The following ATL2 variants were observed in gnomAD, a reference collection of about 807,000 sequenced individuals.
ATL2 encodes the protein atlastin-2.
A neutral mutation model predicts 73.9 loss-of-function variants in ATL2; 31 were observed. The ratio of observed to expected loss-of-function variants is 0.42; its 90% CI spans 0.32 to 0.57. The LOEUF is 0.57. ATL2 is among the 20% of genes least tolerant of loss of function. ATL2 has a pLI of 0.14. For synonymous variants in ATL2, 291 were observed against 237.5 expected (o/e 1.23, Z -2.07); for missense variants, 738 against 702.6 (o/e 1.05, Z -0.57).
chr2:38,340,175 G>T (rs1404670558), intron 2 of ATL2, among the ~76,000 whole-genome samples: 1 of 95,486 alleles, frequency 1.0e-5, no homozygotes, highest in African/African-American at 6.2e-5. Context: ...TTTTGGTGGG[G>T]GGGGGGGGGG....
At chr2:38,331,002 T>C (rs979344530) in intron 2 of ATL2, among the ~76,000 whole-genome samples, 6 of 152,182 alleles carry the variant, frequency 3.9e-5, no homozygotes, top group Admixed American at 3.3e-4. Flanking sequence ...AGCGTGATAC[T>C]GGTATAAGAA....
rs377755275 is a variant in ATL2, at chr2:38,301,250, A to G, written c.1072-922T>C. Among the ~76,000 whole-genome samples, 6 of 152,302 alleles carry G rather than the reference A, an allele frequency of 3.9e-5. No individual in the cohort carries two copies. The South Asian group carries it at 1.2e-3, about 32-fold the overall frequency. On this transcript the variant is annotated intron_variant, in intron 9 of 12. Transcript: ENST00000378954. ...CTCCCAAAGTGCTGGGATTACAGGC[A>G]TAAGCCACCGTGCCTGGCTCATCTC...
chr2:38,328,631 A>G (rs1390605863), intron 2 of ATL2, among the ~76,000 whole-genome samples: 1 of 152,178 alleles, frequency 6.6e-6, no homozygotes, highest in Non-Finnish European at 1.5e-5. Context: ...ATTGAACTAA[A>G]GGAAAATGAA....
At chr2:38,378,231 A>G (rs1260175758), upstream of ATL2, among the ~76,000 whole-genome samples, 1 of 152,198 alleles carries the variant, frequency 6.6e-6, no homozygotes, top group African/African-American at 2.4e-5. Flanking sequence ...AGGTCTTTTC[A>G]TAAGTCTAAA....
intron 1 of ATL2, among the ~76,000 whole-genome samples, chr2:38,365,651 C>T (rs1671279204): frequency 1.3e-5 from 2 of 148,592 alleles, no homozygotes; most frequent in African/African-American, 2.6e-5. Context: ...ATTAGCCAGG[C>T]GTGAGGGCGG....
chr2:38,372,751 T>G (rs1671758970), intron 1 of ATL2, among the ~76,000 whole-genome samples: 1 of 152,206 alleles, frequency 6.6e-6, no homozygotes, highest in African/African-American at 2.4e-5. Context: ...AGTCTCATCT[T>G]AAATAACCAC....
chr2:38,296,939 C>T (rs1423449508), intron 12 of ATL2, among the ~76,000 whole-genome samples: 1 of 152,056 alleles, frequency 6.6e-6, no homozygotes, highest in Non-Finnish European at 1.5e-5. Context: ...AATTATATTG[C>T]AGAAAATGAT....
At chr2:38,325,699 TACACACACACACAC>T (rs1221635411) in intron 2 of ATL2, among the ~76,000 whole-genome samples, 255 of 11,220 alleles carry the variant, frequency 0.023, 1 homozygote, top group African/African-American at 0.05. Context: ...CACACACCAG[TACACACACACACAC>T]ACACACACAC....
intron 1 of ATL2, among the ~76,000 whole-genome samples, chr2:38,357,542 T>C (rs1670742488): frequency 6.7e-6 from 1 of 148,660 alleles, no homozygotes; most frequent in African/African-American, 2.5e-5. Flanking sequence ...GTCCCAGCTA[T>C]TCAGGAGGCT....
rs1667644182 is a variant in ATL2, at chr2:38,309,725, A to T, written c.944-219T>A. Among the ~76,000 whole-genome samples the T allele has an allele frequency of 2.6e-5, 4 of 152,284 alleles. No homozygotes were observed. In the South Asian group the frequency reaches 8.3e-4, roughly 32 times the overall value. On this transcript the variant is annotated intron_variant, in intron 8 of 12. Transcript: ENST00000378954. ...GCCCATTTTCCCCAACCCCCTAGTA[A>T]CACTGCCAGTTCAAATAACAAATAA...
intron 1 of ATL2, among the ~76,000 whole-genome samples, chr2:38,365,150 C>CACACACACACACACAAAT (rs1229101664): frequency 1.3e-5 from 2 of 148,616 alleles, no homozygotes; most frequent in African/African-American, 5.1e-5. Flanking sequence ...CACACACACA[C>CACACACACACACACAAAT]ACACACACAC....
chr2:38,367,419 C>T (rs1303683038), intron 1 of ATL2, among the ~76,000 whole-genome samples: 4 of 150,932 alleles, frequency 2.7e-5, no homozygotes, highest in African/African-American at 4.9e-5. Context: ...CTGGCTAACA[C>T]GGTGAAACCC....
chr2:38,345,483 G>A (rs1669966748), intron 1 of ATL2, among the ~76,000 whole-genome samples: 1 of 152,136 alleles, frequency 6.6e-6, no homozygotes. Flanking sequence ...AAAGTCAACA[G>A]CACTATTTCA....
rs1666857272 is a variant in ATL2, at chr2:38,295,753, C to T, written c.*241G>A. On this transcript the variant is annotated 3_prime_UTR_variant, in exon 13 of 13. Coordinates refer to ENST00000378954, the MANE Select transcript of ATL2 (RefSeq NM_001135673.4). The stretch of plus-strand genomic sequence containing the variant: ...AGTAAAAAGAAATAAAAGAGTTAAA[C>T]ATGGCACAAAGGTGCATGATTAACC... 6.3e-6 allele frequency: 2 copies of T among 316,962 alleles called. No individual in the cohort carries two copies. Among genetic ancestry groups the T allele is most frequent in the Non-Finnish European group, 1.2e-5 (2 of 172,858 alleles). 19.6% of individuals were successfully genotyped at this position (316,962 alleles called of 1,614,324 possible). A position where few individuals can be genotyped will look rare whatever the true frequency, so the allele number is the denominator to read the frequency against.
At chr2:38,342,463 A>G (rs1364760361) in intron 2 of ATL2, among the ~76,000 whole-genome samples, 1 of 152,220 alleles carries the variant, frequency 6.6e-6, no homozygotes, top group African/African-American at 2.4e-5. Flanking sequence ...TTTGAGGAAA[A>G]AACATGGCAT....
intron 2 of ATL2, among the ~76,000 whole-genome samples, chr2:38,329,382 C>G (rs1384074925): frequency 2.6e-5 from 3 of 116,444 alleles, no homozygotes; most frequent in Admixed American, 1.2e-4. Flanking sequence ...GGGCCAAGAT[C>G]ATGCCACTGC....
intron 1 of ATL2, among the ~76,000 whole-genome samples, chr2:38,373,226 G>A (rs1400682781): frequency 6.6e-6 from 1 of 152,052 alleles, no homozygotes; most frequent in Non-Finnish European, 1.5e-5. Flanking sequence ...AAGCATTGCC[G>A]CCACAATCAG....
rs1360935677 is a variant in ATL2 at position 38,294,420 on chromosome 2, C to T, written c.*1574G>A. ...AACATTAGCCGGGAATGGTGGCACGCACCTGTAGTCCCAGCTACTCAGGAG... is the reference window on the plus strand; with the variant it reads ...AACATTAGCCGGGAATGGTGGCACGTACCTGTAGTCCCAGCTACTCAGGAG... On this transcript the variant is annotated 3_prime_UTR_variant, in exon 13 of 13. Transcript: ENST00000378954. Among the ~76,000 whole-genome samples the T allele has an allele frequency of 6.6e-6, 1 of 152,162 alleles. No homozygotes were observed. The highest frequency in any genetic ancestry group is 1.5e-5 in the Non-Finnish European group (1 of 68,022).
intron 1 of ATL2, among the ~76,000 whole-genome samples, chr2:38,365,852 C>T (rs914373428): frequency 6.6e-6 from 1 of 151,914 alleles, no homozygotes; most frequent in African/African-American, 2.4e-5. Flanking sequence ...GAGGCTGAGG[C>T]AGGAGAATGG....
Sources: gnomAD v4.1 joint callset for allele counts (sites outside exome capture counted in the v4.1 genomes callset) on GRCh38, gnomAD v4.1.1 for gene constraint, MANE v1.5 for transcripts, NCBI Gene and HGNC (gene_info 2026-07-23, HGNC 2026-07-21) for gene names.